The following AAMDC variants were observed in gnomAD, a reference collection of about 807,000 sequenced individuals.
The protein encoded by AAMDC is mth938 domain-containing protein.
AAMDC carries 16 observed loss-of-function variants against 15.5 expected under a neutral mutation model. That is an observed-to-expected ratio of 1.03 (90% CI 0.70 to 1.57). The LOEUF is 1.57. Ranked by LOEUF, AAMDC falls within the 40% of genes most tolerant of loss-of-function variation. The probability of loss-of-function intolerance (pLI) is 0.00; values close to 1 mark genes in which losing one functional copy is unlikely to be tolerated. For missense variants in AAMDC, 141 were observed against 144.9 expected (o/e 0.97, Z 0.14); for synonymous variants, 51 against 51.6 (o/e 0.99, Z 0.05).
At chr11:77,838,472 G>A (rs1427718391) in intron 1 of AAMDC, among the ~76,000 whole-genome samples, 3 of 152,040 alleles carry the variant, frequency 2.0e-5, no homozygotes, top group Non-Finnish European at 2.9e-5. Flanking sequence ...CTTGCCCAAG[G>A]GTGAGCAGCT....
chr11:77,882,683 A>T (rs1228696905), intron 5 of AAMDC, among the ~76,000 whole-genome samples: 3 of 152,178 alleles, frequency 2.0e-5, no homozygotes, highest in South Asian at 2.1e-4. Flanking sequence ...CAACTACACC[A>T]GGCCTACCAC....
chr11:77,876,358 C>G (rs1951594174), downstream of AAMDC, among the ~76,000 whole-genome samples: 1 of 151,942 alleles, frequency 6.6e-6, no homozygotes, highest in South Asian at 2.1e-4. Context: ...AGGTGCCACA[C>G]TGGAGTGCTC....
intron 2 of AAMDC, chr11:77,866,458 T>C (rs1038267654): frequency 1.3e-5 from 2 of 152,280 alleles, no homozygotes; most frequent in African/African-American, 4.8e-5. Flanking sequence ...CAAGCTCCAA[T>C]CCCATGGATC....
chr11:77,895,976 C>T lies in AAMDC; in HGVS notation c.329-4595C>T, dbSNP rs1952500789. 2.6e-5 allele frequency among the ~76,000 whole-genome samples: 4 copies of T among 152,148 alleles called. 1 individual carries two copies. In the South Asian group the frequency reaches 8.3e-4, roughly 32 times the overall value. On this transcript the variant is annotated intron_variant, in intron 5 of 5. Transcript: ENST00000304716. Reference sequence around the variant, plus strand: ...AATTACCAATTTAAACTAGTCTAGACTTTCATTGTAAGTAGGCAAAGACAA... The same window carrying T: ...AATTACCAATTTAAACTAGTCTAGATTTTCATTGTAAGTAGGCAAAGACAA...
intron 2 of AAMDC, among the ~76,000 whole-genome samples, chr11:77,859,219 G>A (rs1270605652): frequency 6.6e-6 from 1 of 152,174 alleles, no homozygotes; most frequent in East Asian, 1.9e-4. Flanking sequence ...TCCCAGAGGG[G>A]ATTACCCCAT....
chr11:77,884,851 C>T (rs749886387), intron 5 of AAMDC: 17 of 365,542 alleles, frequency 4.7e-5, no homozygotes, highest in South Asian at 2.1e-4. Context: ...AACTCCTGGG[C>T]GCAAGTGATC....
chr11:77,831,862 ATTTTTTTTTTTTTTT>A (rs767406733), intron 1 of AAMDC: 4 of 80,790 alleles, frequency 5.0e-5, no homozygotes, highest in African/African-American at 1.8e-4. Context: ...TGCCTGGCTA[ATTTTTTTTTTTTTTT>A]TTTTTTTTTT....
chr11:77,855,519 CG>C (rs1197005961), intron 2 of AAMDC: 4 of 166,726 alleles, frequency 2.4e-5, no homozygotes, highest in African/African-American at 7.2e-5. Flanking sequence ...TTAGTAGAGA[CG>C]GGGTGTCACC....
At chr11:77,847,461 C>T (rs1254035336) in intron 2 of AAMDC, among the ~76,000 whole-genome samples, 2 of 152,158 alleles carry the variant, frequency 1.3e-5, no homozygotes, top group East Asian at 1.9e-4. Context: ...TTTTGAACTG[C>T]ATGCACTCAT....
chr11:77,821,163 C>A lies in AAMDC; in HGVS notation c.-97C>A. On this transcript the variant is annotated 5_prime_UTR_variant, in exon 1 of 4. Transcript: ENST00000393427. ...GAGGGCAGTTGGGGAGCGCAGATCC[C>A]GAAGCAGCGCTGGGAGCGTAAGTGC... 5.3e-6 allele frequency: 2 copies of A among 379,888 alleles called. No homozygotes were observed. The highest frequency in any genetic ancestry group is 9.4e-6 in the Non-Finnish European group (2 of 212,610). 23.5% of individuals were successfully genotyped at this position (379,888 alleles called of 1,614,324 possible).
chr11:77,837,980 G>A (rs186826888), intron 1 of AAMDC, among the ~76,000 whole-genome samples: 5 of 152,260 alleles, frequency 3.3e-5, no homozygotes, highest in East Asian at 1.9e-4. Context: ...GCCTGAGGTG[G>A]GAAGATCACT....
intron 2 of AAMDC, among the ~76,000 whole-genome samples, chr11:77,863,589 A>G (rs1950978560): frequency 6.6e-6 from 1 of 152,128 alleles, no homozygotes; most frequent in South Asian, 2.1e-4. Flanking sequence ...GGGTTTCACT[A>G]TGTTGGCCAG....
chr11:77,849,504 G>A (rs1020592125), intron 2 of AAMDC, among the ~76,000 whole-genome samples: 2 of 152,274 alleles, frequency 1.3e-5, no homozygotes, highest in East Asian at 1.9e-4. Flanking sequence ...GATTATTGGC[G>A]TGAGCCACTG....
intron 1 of AAMDC, chr11:77,841,404 C>T (rs1949925746): frequency 1.7e-6 from 1 of 591,056 alleles, no homozygotes; most frequent in African/African-American, 1.9e-5. Flanking sequence ...CCCAGTTTCC[C>T]AAGATTCTCC....
intron 3 of AAMDC, chr11:77,870,212 G>T (rs1322990152): frequency 6.8e-6 from 1 of 147,974 alleles, no homozygotes; most frequent in Non-Finnish European, 1.5e-5. Context: ...TATAGATGGG[G>T]TCTCACTATT....
chr11:77,822,724 AC>A (rs1948975494), intron 1 of AAMDC, among the ~76,000 whole-genome samples: 1 of 152,198 alleles, frequency 6.6e-6, no homozygotes, highest in Non-Finnish European at 1.5e-5. Context: ...TGGTATACAA[AC>A]CGTTTTTAAA....
At chr11:77,829,859 C>T (rs2136062551) in intron 1 of AAMDC, 1 of 152,348 alleles carries the variant, frequency 6.6e-6, no homozygotes, top group African/African-American at 2.4e-5. Flanking sequence ...AGTCTGGGCA[C>T]AGTTGTTCAT....
chr11:77,891,929 T>C (rs747107662), intron 5 of AAMDC: 2 of 1,580,664 alleles, frequency 1.3e-6, no homozygotes, highest in Non-Finnish European at 1.7e-6. Flanking sequence ...AACCCTGAAG[T>C]AGGAAGAATG....
intron 2 of AAMDC, among the ~76,000 whole-genome samples, chr11:77,861,458 C>T (rs1950873194): frequency 6.6e-6 from 1 of 152,148 alleles, no homozygotes. Flanking sequence ...CCTCCTGGCC[C>T]TCAATGGTCA....
Sources: allele counts gnomAD v4.1 joint callset (sites outside exome capture counted in the v4.1 genomes callset), GRCh38; gene constraint gnomAD v4.1.1; transcripts MANE v1.5; gene names NCBI Gene and HGNC (gene_info 2026-07-23, HGNC 2026-07-21).